PRKACB: variants seen among roughly 807,000 people sequenced by gnomAD.
PRKACB encodes the protein protein kinase cAMP-activated catalytic subunit beta.
Under a neutral mutation model 51.4 loss-of-function variants are expected in PRKACB, and 16 were observed. That is an observed-to-expected ratio of 0.31 (90% CI 0.21 to 0.47). PRKACB has a LOEUF of 0.47. Among genes scored for constraint, PRKACB ranks in the 20% least tolerant of loss-of-function variants. The pLI is 1.00. For missense variants in PRKACB, 309 were observed against 464.5 expected (o/e 0.67, Z 3.08); for synonymous variants, 147 against 154.4 (o/e 0.95, Z 0.35).
chr1:84,083,617 T>C (rs1647721753), intron 1 of PRKACB, among the ~76,000 whole-genome samples: 1 of 152,206 alleles, frequency 6.6e-6, no homozygotes, highest in African/African-American at 2.4e-5. Context: ...CATTTTGACA[T>C]TCCATTAAAT....
intron 1 of PRKACB, chr1:84,085,978 T>G (rs1647945969): frequency 2.8e-6 from 2 of 713,126 alleles, no homozygotes; most frequent in Non-Finnish European, 5.2e-6. Context: ...CGCCAGTGCT[T>G]GTGGATTTCC....
chr1:84,129,838 C>T (rs1251708039), intron 1 of PRKACB, among the ~76,000 whole-genome samples: 1 of 152,184 alleles, frequency 6.6e-6, no homozygotes, highest in African/African-American at 2.4e-5. Context: ...AGTGAATTTC[C>T]TGCTTTTAGC....
intron 9 of PRKACB, among the ~76,000 whole-genome samples, chr1:84,228,809 T>A (rs988063672): frequency 6.6e-6 from 1 of 152,084 alleles, no homozygotes; most frequent in African/African-American, 2.4e-5. Context: ...GAAAAGAATT[T>A]TTACAAGAGG....
intron 8 of PRKACB, chr1:84,205,283 G>C (rs1671161689): frequency 1.0e-6 from 1 of 979,300 alleles, no homozygotes; most frequent in Admixed American, 6.2e-5. Context: ...TAAATCATCT[G>C]TTTCAAAACT....
intron 9 of PRKACB, among the ~76,000 whole-genome samples, chr1:84,217,413 C>T (rs1227041119): frequency 1.3e-5 from 2 of 152,098 alleles, no homozygotes; most frequent in Non-Finnish European, 1.5e-5. Flanking sequence ...TCCAACCCTG[C>T]ACTTTACCAT....
chr1:84,220,253 A>T (rs905216597), intron 9 of PRKACB, among the ~76,000 whole-genome samples: 5 of 151,758 alleles, frequency 3.3e-5, no homozygotes, highest in African/African-American at 1.2e-4. Context: ...TTTCTTTCTT[A>T]GCTTGATCAT....
intron 8 of PRKACB, among the ~76,000 whole-genome samples, chr1:84,203,213 T>C (rs1321628595): frequency 6.6e-6 from 1 of 151,996 alleles, no homozygotes; most frequent in Non-Finnish European, 1.5e-5. Context: ...TACTATAACA[T>C]TGGAAGTAAA....
chr1:84,215,650 T>C (rs569711249), intron 9 of PRKACB, among the ~76,000 whole-genome samples: 2 of 152,082 alleles, frequency 1.3e-5, no homozygotes, highest in African/African-American at 4.8e-5. Context: ...GAAACTAGTA[T>C]TTTGTTTTGT....
intron 1 of PRKACB, among the ~76,000 whole-genome samples, chr1:84,167,409 T>TC (rs1250381827): frequency 6.6e-5 from 10 of 151,580 alleles, no homozygotes; most frequent in African/African-American, 2.4e-4. Context: ...TACATATAAT[T>TC]CCTTGCTACC....
chr1:84,148,237 T>C, intron 1 of PRKACB, among the ~76,000 whole-genome samples: 1 of 152,136 alleles, frequency 6.6e-6, no homozygotes, highest in Admixed American at 6.5e-5. Flanking sequence ...TCCTCTCAGG[T>C]ATCATCTCTG....
chr1:84,219,764 T>C (rs1572517675), intron 9 of PRKACB, among the ~76,000 whole-genome samples: 1 of 151,820 alleles, frequency 6.6e-6, no homozygotes, highest in African/African-American at 2.4e-5. Flanking sequence ...AGGTGTAATA[T>C]GTGGATTTAT....
chr1:84,200,783 C>T (rs1156756668), intron 7 of PRKACB, among the ~76,000 whole-genome samples: 5 of 152,036 alleles, frequency 3.3e-5, no homozygotes, highest in African/African-American at 7.2e-5. Context: ...TGTCAAAGAT[C>T]GGGTGGTCGT....
At chr1:84,199,089 G>GTATATATGCATATATGTATATATATGCA (rs1285446124) in intron 7 of PRKACB, among the ~76,000 whole-genome samples, 23 of 76,444 alleles carry the variant, frequency 3.0e-4, no homozygotes, top group African/African-American at 8.7e-4. Flanking sequence ...ATATATATGC[G>GTATATATGCATATATGTATATATATGCA]TATATATGCA....
chr1:84,164,552 T>G, intron 1 of PRKACB: 1 of 1,428,730 alleles, frequency 7.0e-7, no homozygotes, highest in Non-Finnish European at 9.4e-7. Flanking sequence ...GTATTTTATT[T>G]GTCTGGTGGA....
At chr1:84,215,264 G>T (rs896680182) in intron 9 of PRKACB, among the ~76,000 whole-genome samples, 5 of 151,964 alleles carry the variant, frequency 3.3e-5, no homozygotes, top group African/African-American at 1.2e-4. Flanking sequence ...TAGTTATCAG[G>T]TCCCTGCTTG....
At chr1:84,211,011 A>G in intron 8 of PRKACB, among the ~76,000 whole-genome samples, 1 of 152,026 alleles carries the variant, frequency 6.6e-6, no homozygotes, top group East Asian at 1.9e-4. Flanking sequence ...TGGGCTACCT[A>G]TGAGAATCTC....
At chr1:84,146,104 G>C (rs1321686369) in intron 1 of PRKACB, among the ~76,000 whole-genome samples, 3 of 150,868 alleles carry the variant, frequency 2.0e-5, no homozygotes, top group African/African-American at 7.3e-5. Context: ...ATGGAAAATA[G>C]TATCATGAGC....
chr1:84,213,820 A>G (rs1167489968), intron 8 of PRKACB, among the ~76,000 whole-genome samples: 1 of 152,200 alleles, frequency 6.6e-6, no homozygotes, highest in Non-Finnish European at 1.5e-5. Context: ...GTATGATCCA[A>G]AGAGATTGCT....
In PRKACB at chr1:84,235,217, G is replaced by T. The variant is rs748718739; in HGVS notation, c.1109G>T (p.Gly370Val). ...APFIPKFRGS[G>V]DTSNFDDYEE... ...TTCATACCAAAGTTTAGAGGCTCTGGAGATACCAGCAACTTTGATGACTAT... is the reference window on the plus strand; with the variant it reads ...TTCATACCAAAGTTTAGAGGCTCTGTAGATACCAGCAACTTTGATGACTAT... Residue 370 changes from glycine to valine, a missense_variant, in exon 10 of 10, where the codon GGA becomes GTA. Transcript: ENST00000370685. The T allele has an allele frequency of 6.2e-7, 1 of 1,613,786 alleles. No individual in the cohort carries two copies. Among genetic ancestry groups the T allele is most frequent in the East Asian group, 2.2e-5 (1 of 44,870 alleles).
Sources: gnomAD v4.1 joint callset for allele counts (sites outside exome capture counted in the v4.1 genomes callset) on GRCh38, gnomAD v4.1.1 for gene constraint, MANE v1.5 for transcripts, NCBI Gene and HGNC (gene_info 2026-07-23, HGNC 2026-07-21) for gene names.